RPA3: variants seen among roughly 807,000 people sequenced by gnomAD.
RPA3 encodes the protein replication protein A3, also known as replication protein A 14 kDa subunit.
Under a neutral mutation model 13.7 loss-of-function variants are expected in RPA3, and 24 were observed. That is an observed-to-expected ratio of 1.75 (90% CI 1.27 to 2.46). The LOEUF (loss-of-function observed/expected upper bound fraction) is 2.46, where lower values mean the gene tolerates loss of function less well. Ranked by LOEUF, RPA3 falls within the 30% of genes most tolerant of loss-of-function variation. The pLI is 0.00. For missense variants in RPA3, 183 were observed against 151.0 expected, an observed-to-expected ratio of 1.21 and a Z score of -1.11; for synonymous variants, 59 against 51.2, an observed-to-expected ratio of 1.15 and a Z score of -0.65.
chr7:7,707,617 A>G (rs1484332493), intron 2 of RPA3, among the ~76,000 whole-genome samples: 1 of 152,206 alleles, frequency 6.6e-6, no homozygotes, highest in Non-Finnish European at 1.5e-5. Context: ...AACAAATAAT[A>G]AAAGACTAAA....
intron 4 of RPA3, among the ~76,000 whole-genome samples, chr7:7,665,675 C>A (rs747179381): frequency 6.6e-6 from 1 of 152,182 alleles, no homozygotes; most frequent in South Asian, 2.1e-4. Context: ...TGTCATCCCT[C>A]CTTCCTTTGT....
chr7:7,706,769 A>G (rs539210508), intron 2 of RPA3, among the ~76,000 whole-genome samples: 1 of 152,278 alleles, frequency 6.6e-6, no homozygotes, highest in Admixed American at 6.5e-5. Flanking sequence ...GGGATTTTAA[A>G]CTAGATTGTC....
At chr7:7,665,456 C>T (rs1779419291) in intron 4 of RPA3, among the ~76,000 whole-genome samples, 1 of 152,154 alleles carries the variant, frequency 6.6e-6, no homozygotes, top group South Asian at 2.1e-4. Flanking sequence ...AGATTTGAGA[C>T]AATTTTCCCA....
intron 4 of RPA3, among the ~76,000 whole-genome samples, chr7:7,677,396 C>T (rs935255676): frequency 4.0e-5 from 6 of 151,582 alleles, no homozygotes; most frequent in African/African-American, 1.5e-4. Flanking sequence ...ATTTTATTTC[C>T]CTCTTTCTGC....
intron 3 of RPA3, among the ~76,000 whole-genome samples, chr7:7,686,220 A>G (rs754087171): frequency 4.6e-5 from 7 of 152,176 alleles, no homozygotes; most frequent in Non-Finnish European, 1.0e-4. Context: ...ATATAGCTTC[A>G]GAAGAATCTG....
At chr7:7,658,785 A>G (rs190522775) in intron 4 of RPA3, among the ~76,000 whole-genome samples, 7 of 151,584 alleles carry the variant, frequency 4.6e-5, no homozygotes, top group African/African-American at 1.4e-4. Context: ...TTTTTGTTGT[A>G]TCTCTGCCTG....
In RPA3 at chr7:7,637,865, A is replaced by G. The variant is rs1361841550; in HGVS notation, c.282T>C (p.Phe94=). The G allele has an allele frequency of 4.3e-6, 7 of 1,610,912 alleles. No homozygotes were observed. Among genetic ancestry groups the G allele is most frequent in the South Asian group, 1.1e-5 (1 of 90,846 alleles). ...YVQFKEDSHP[F]DLGLYNEAVK... is the part of the protein sequence containing the mutation. ...TCAATACTAGAATGCTTTATTTACC[A>G]AAAGGATGGCTATCTTCTTTAAACT... The change falls in exon 7 of 8, where the codon TTT becomes TTC. Residue 94 remains phenylalanine, a splice_region_variant and synonymous_variant. Coordinates refer to ENST00000223129, the MANE Select transcript of RPA3 (RefSeq NM_002947.5).
chr7:7,643,668 C>G (rs1341910353), intron 4 of RPA3, among the ~76,000 whole-genome samples: 2 of 150,318 alleles, frequency 1.3e-5, no homozygotes, highest in Admixed American at 1.3e-4. Flanking sequence ...GCCGAGATCG[C>G]GCCACTTCAC....
In RPA3 at chr7:7,640,626, T is replaced by G; in HGVS notation, c.-208A>C. On this transcript the variant is annotated 5_prime_UTR_variant, in exon 5 of 8. Transcript: ENST00000223129. The stretch of plus-strand genomic sequence containing the variant: ...GGCTGGATGAGTCCGGAAGTGGAGA[T>G]TGGCTGCTTAGTGACGCGCGGCGTC... 1.8e-6 allele frequency: 1 copy of G among 569,424 alleles called. No individual in the cohort carries two copies. The highest frequency in any genetic ancestry group is 3.2e-5 in the Admixed American group (1 of 31,656). The allele number at this position is 569,424 out of a possible 1,614,324, so 35.3% of individuals were successfully genotyped here.
intron 4 of RPA3, among the ~76,000 whole-genome samples, chr7:7,663,961 T>C (rs1414598420): frequency 6.6e-6 from 1 of 152,208 alleles, no homozygotes; most frequent in Non-Finnish European, 1.5e-5. Context: ...AAACAATTTT[T>C]CCTTCTACTG....
chr7:7,714,095 T>G (rs1170579011), intron 2 of RPA3, among the ~76,000 whole-genome samples: 1 of 152,246 alleles, frequency 6.6e-6, no homozygotes, highest in Non-Finnish European at 1.5e-5. Context: ...ATCTTTTTGA[T>G]GAAGATTTTT....
At position 7,637,044 on chromosome 7, in the gene RPA3, C is replaced by A; in HGVS notation, c.322G>T (p.Asp108Tyr). 6.2e-7 allele frequency: 1 copy of A among 1,612,924 alleles called. No homozygotes were observed. Among genetic ancestry groups the A allele is most frequent in the South Asian group, 1.1e-5 (1 of 91,014 alleles). Residue 108 changes from aspartate (D) to tyrosine (Y), a missense_variant, in exon 8 of 8, where the codon GAC becomes TAC. By Grantham distance (160) the Asp-to-Tyr change is radical. Transcript: ENST00000223129. Reference protein sequence around the residue: ...LYNEAVKIIHDFPQFYPLGIV... With the variant: ...LYNEAVKIIHYFPQFYPLGIV... The stretch of plus-strand genomic sequence containing the variant: ...CCTAAAGGATAAAACTGAGGGAAGT[C>A]ATGGATAATTTTCACAGCTTCATTG...
At chr7:7,704,682 A>C (rs1780552288) in intron 2 of RPA3, among the ~76,000 whole-genome samples, 1 of 143,916 alleles carries the variant, frequency 6.9e-6, no homozygotes, top group African/African-American at 2.6e-5. Context: ...GGTGAGAATC[A>C]CTTGAACCCA....
intron 2 of RPA3, among the ~76,000 whole-genome samples, chr7:7,712,567 C>G (rs1381091616): frequency 6.6e-6 from 1 of 152,124 alleles, no homozygotes; most frequent in Non-Finnish European, 1.5e-5. Flanking sequence ...TATTTACTTC[C>G]CATAATTCAT....
intron 4 of RPA3, chr7:7,673,166 A>G (rs1779649368): frequency 1.5e-6 from 1 of 678,482 alleles, no homozygotes; most frequent in African/African-American, 1.8e-5. Flanking sequence ...GCTGACATCT[A>G]GAGAAGGCTC....
intron 5 of RPA3, among the ~76,000 whole-genome samples, chr7:7,639,374 T>A (rs1047494607): frequency 2.6e-4 from 40 of 152,354 alleles, no homozygotes; most frequent in African/African-American, 9.4e-4. Flanking sequence ...TTTGTAGTGT[T>A]AAGTAGGTTC....
intron 4 of RPA3, among the ~76,000 whole-genome samples, chr7:7,659,252 C>A (rs1332444038): frequency 6.6e-6 from 1 of 152,050 alleles, no homozygotes; most frequent in Non-Finnish European, 1.5e-5. Context: ...TTTAAAAAAG[C>A]CAGCTCCTGG....
At chr7:7,646,515 G>A (rs184873257) in intron 4 of RPA3, among the ~76,000 whole-genome samples, 20 of 123,928 alleles carry the variant, frequency 1.6e-4, no homozygotes, top group Admixed American at 1.3e-3. Context: ...TAATTCTCTC[G>A]TCTGACACCA....
At chr7:7,637,195 TC>T in intron 7 of RPA3, 113 bp from the exon 8 acceptor site, 1 of 780,248 alleles carries the variant, frequency 1.3e-6, no homozygotes, top group South Asian at 1.6e-5. Context: ...GAAGTGAGTT[TC>T]TAAAAATGGA....
Sources: gnomAD v4.1 joint callset for allele counts (sites outside exome capture counted in the v4.1 genomes callset) on GRCh38, gnomAD v4.1.1 for gene constraint, MANE v1.5 for transcripts, NCBI Gene and HGNC (gene_info 2026-07-23, HGNC 2026-07-21) for gene names.